Variants in NKAIN3 observed in about 807,000 individuals in gnomAD.
NKAIN3 encodes the protein sodium/potassium-transporting ATPase subunit beta-1-interacting protein 3.
A neutral mutation model predicts 30.2 loss-of-function variants in NKAIN3; 25 were observed. The observed-to-expected ratio is 0.83, with a 90% confidence interval of 0.60 to 1.16. NKAIN3 has a LOEUF of 1.16. Ranked by LOEUF, NKAIN3 falls within the 50% of genes most tolerant of loss-of-function variation. The pLI, the probability that NKAIN3 is intolerant of heterozygous loss-of-function variation, is 0.00. For synonymous variants in NKAIN3, 91 were observed against 89.6 expected, an observed-to-expected ratio of 1.02 and a Z score of -0.09; for missense variants, 225 against 254.1, an observed-to-expected ratio of 0.89 and a Z score of 0.78.
Position 62,249,037 on chromosome 8 carries a change from C to T in NKAIN3, c.-37C>T, listed in dbSNP as rs949006414. 1.4e-5 allele frequency: 21 copies of T among 1,523,314 alleles called. No homozygotes were observed. The highest frequency in any genetic ancestry group is 1.7e-5 in the Non-Finnish European group (19 of 1,134,858). The allele number at this position is 1,523,314 out of a possible 1,614,324, so 94.4% of individuals were successfully genotyped here. A position where few individuals can be genotyped will look rare whatever the true frequency, so the allele number is the denominator to read the frequency against. Reference sequence around the variant, plus strand: ...GGCAGCAGCGGCGGAGGACGAGGATCTCTGGCAGTCAGCGCCGCTCGGACG... The same window carrying T: ...GGCAGCAGCGGCGGAGGACGAGGATTTCTGGCAGTCAGCGCCGCTCGGACG... On this transcript the variant is annotated 5_prime_UTR_variant, in exon 1 of 7. Transcript: ENST00000623646.
At chr8:62,282,099 G>C (rs1445753451) in intron 1 of NKAIN3, among the ~76,000 whole-genome samples, 1 of 151,584 alleles carries the variant, frequency 6.6e-6, no homozygotes, top group East Asian at 1.9e-4. Context: ...TGTTCCGGGG[G>C]GCTTTGCAAA....
chr8:62,964,548 G>C (rs1202393320), intron 6 of NKAIN3, among the ~76,000 whole-genome samples: 2 of 142,068 alleles, frequency 1.4e-5, no homozygotes, highest in African/African-American at 5.0e-5. Context: ...GTGTGTGTGT[G>C]TGTGTGTGTG....
At chr8:62,549,200 A>T (rs1206660224) in intron 1 of NKAIN3, among the ~76,000 whole-genome samples, 1 of 152,156 alleles carries the variant, frequency 6.6e-6, no homozygotes, top group Non-Finnish European at 1.5e-5. Context: ...TTGCCTATAC[A>T]TTTTAATATT....
chr8:62,764,009 T>C (rs1816755572), intron 4 of NKAIN3, among the ~76,000 whole-genome samples: 1 of 152,242 alleles, frequency 6.6e-6, no homozygotes, highest in Non-Finnish European at 1.5e-5. Flanking sequence ...TATATCAGGC[T>C]GGCATGTCTC....
At chr8:62,455,769 A>C (rs1287650860) in intron 1 of NKAIN3, among the ~76,000 whole-genome samples, 1 of 152,182 alleles carries the variant, frequency 6.6e-6, no homozygotes, top group African/African-American at 2.4e-5. Flanking sequence ...ACACACACAA[A>C]AATAAAATTG....
At chr8:62,829,324 A>G (rs1563582331) in intron 4 of NKAIN3, among the ~76,000 whole-genome samples, 1 of 152,186 alleles carries the variant, frequency 6.6e-6, no homozygotes, top group Non-Finnish European at 1.5e-5. Context: ...AGCTTCCCAC[A>G]TGGTTCTTCT....
intron 6 of NKAIN3, among the ~76,000 whole-genome samples, chr8:62,962,300 A>T (rs1785486443): frequency 6.6e-6 from 1 of 152,244 alleles, no homozygotes; most frequent in African/African-American, 2.4e-5. Flanking sequence ...CCTTGTTATT[A>T]GTGAAAATTA....
intron 1 of NKAIN3, among the ~76,000 whole-genome samples, chr8:62,352,877 T>A (rs1047405460): frequency 8.5e-5 from 13 of 152,184 alleles, no homozygotes; most frequent in Non-Finnish European, 1.6e-4. Flanking sequence ...AAATATTAGG[T>A]ACCACATTAG....
chr8:62,841,332 G>C (rs1310958942), intron 4 of NKAIN3, among the ~76,000 whole-genome samples: 2 of 151,610 alleles, frequency 1.3e-5, no homozygotes, highest in Admixed American at 1.3e-4. Flanking sequence ...TGACATCTTT[G>C]AAATTTACTC....
At chr8:62,965,032 A>G (rs1393898804) in intron 6 of NKAIN3, among the ~76,000 whole-genome samples, 2 of 152,126 alleles carry the variant, frequency 1.3e-5, no homozygotes, top group Admixed American at 6.5e-5. Context: ...TGAATATCTC[A>G]TAGTTTGCGC....
intron 4 of NKAIN3, among the ~76,000 whole-genome samples, chr8:62,810,205 A>G (rs1325144295): frequency 2.0e-5 from 3 of 152,120 alleles, no homozygotes; most frequent in Non-Finnish European, 4.4e-5. Context: ...AAATGGCAAA[A>G]TTAAAAATAA....
At chr8:62,551,105 A>G (rs1809192814) in intron 1 of NKAIN3, among the ~76,000 whole-genome samples, 1 of 152,220 alleles carries the variant, frequency 6.6e-6, no homozygotes, top group Non-Finnish European at 1.5e-5. Flanking sequence ...TACAAGTCAC[A>G]GAGTGAATAA....
At chr8:62,345,258 T>TATATATAC (rs139656573) in intron 1 of NKAIN3, among the ~76,000 whole-genome samples, 4 of 142,720 alleles carry the variant, frequency 2.8e-5, no homozygotes, top group African/African-American at 1.1e-4. Flanking sequence ...GGTATATATA[T>TATATATAC]ACACACACAC....
intron 3 of NKAIN3, among the ~76,000 whole-genome samples, chr8:62,600,965 G>A (rs1810968748): frequency 6.6e-6 from 1 of 151,992 alleles, no homozygotes; most frequent in Non-Finnish European, 1.5e-5. Context: ...TTCAAGGTTG[G>A]ATTCTTCTAT....
intron 1 of NKAIN3, among the ~76,000 whole-genome samples, chr8:62,530,362 T>G (rs1236373247): frequency 6.6e-6 from 1 of 152,148 alleles, no homozygotes; most frequent in Non-Finnish European, 1.5e-5. Context: ...AAAAGTTAGG[T>G]CTTTATCCTG....
intron 4 of NKAIN3, among the ~76,000 whole-genome samples, chr8:62,914,962 C>A (rs563473452): frequency 5.3e-5 from 8 of 151,952 alleles, no homozygotes; most frequent in Middle Eastern, 3.4e-3. Flanking sequence ...CTTGCCCCCC[C>A]ACAGGCCCTG....
chr8:62,496,773 C>T (rs963887287), intron 1 of NKAIN3, among the ~76,000 whole-genome samples: 4 of 152,106 alleles, frequency 2.6e-5, no homozygotes, highest in African/African-American at 4.8e-5. Context: ...ACATGATTAG[C>T]GTAGATTAGA....
At chr8:62,489,253 C>T (rs1806996892) in intron 1 of NKAIN3, among the ~76,000 whole-genome samples, 1 of 151,702 alleles carries the variant, frequency 6.6e-6, no homozygotes, top group Admixed American at 6.6e-5. Flanking sequence ...TCTCGATCTC[C>T]TGACCTCGTG....
chr8:62,470,227 A>G (rs1435279344), intron 1 of NKAIN3, among the ~76,000 whole-genome samples: 2 of 152,196 alleles, frequency 1.3e-5, no homozygotes, highest in Non-Finnish European at 2.9e-5. Flanking sequence ...ACTGTCGTCT[A>G]TAGATGGCAG....
Sources: allele counts gnomAD v4.1 joint callset (sites outside exome capture counted in the v4.1 genomes callset), GRCh38; gene constraint gnomAD v4.1.1; transcripts MANE v1.5; gene names NCBI Gene and HGNC (gene_info 2026-07-23, HGNC 2026-07-21).